Variants in ATXN2 observed in about 807,000 individuals in gnomAD.
The protein encoded by ATXN2 is ataxin-2.
In ATXN2, 37 loss-of-function variants were observed where a neutral mutation model predicts 138.6. That is an observed-to-expected ratio of 0.27 (90% CI 0.21 to 0.35). The LOEUF (loss-of-function observed/expected upper bound fraction) is 0.35, where lower values mean the gene tolerates loss of function less well. Among genes scored for constraint, ATXN2 ranks in the 10% least tolerant of loss-of-function variants. The probability of loss-of-function intolerance (pLI) is 1.00; values close to 1 mark genes in which losing one functional copy is unlikely to be tolerated. For missense variants in ATXN2, 1,216 were observed against 1,480.3 expected, an observed-to-expected ratio of 0.82 and a Z score of 2.93; for synonymous variants, 549 against 543.7, an observed-to-expected ratio of 1.01 and a Z score of -0.13.
chr12:111,563,337 T>C (rs937537980), intron 1 of ATXN2, among the ~76,000 whole-genome samples: 2 of 152,150 alleles, frequency 1.3e-5, no homozygotes, highest in Non-Finnish European at 2.9e-5. Context: ...ATGTAGAATA[T>C]ACATATTTAC....
chr12:111,529,598 T>G (rs1365502847), intron 5 of ATXN2, among the ~76,000 whole-genome samples: 1 of 152,128 alleles, frequency 6.6e-6, no homozygotes, highest in Non-Finnish European at 1.5e-5. Flanking sequence ...AGAAACTTAG[T>G]CATTTTGGGC....
chr12:111,594,324 T>C (rs1164186159), intron 1 of ATXN2, among the ~76,000 whole-genome samples: 1 of 151,906 alleles, frequency 6.6e-6, no homozygotes, highest in African/African-American at 2.4e-5. Context: ...GATGAACAAC[T>C]ACATTAAATC....
At chr12:111,471,578 G>A (rs1444705051) in intron 18 of ATXN2, 1 of 152,150 alleles carries the variant, frequency 6.6e-6, no homozygotes, top group African/African-American at 2.4e-5. Context: ...TATAGAACTT[G>A]TTCATAAAAT....
chr12:111,588,991 CAAAAAAAAAAAAAAAAAAAA>C (rs58116265), intron 1 of ATXN2, among the ~76,000 whole-genome samples: 4 of 38,684 alleles, frequency 1.0e-4, no homozygotes, highest in Admixed American at 5.4e-4. Context: ...CGAGATTTCT[CAAAAAAAAAAAAAAAAAAAA>C]AAAAAAAAAA....
At chr12:111,533,361 G>A (rs1880953046) in intron 5 of ATXN2, among the ~76,000 whole-genome samples, 1 of 152,084 alleles carries the variant, frequency 6.6e-6, no homozygotes, top group South Asian at 2.1e-4. Flanking sequence ...TGTAGTATTT[G>A]CATACTCTCG....
rs373432110 is a variant in ATXN2, at chr12:111,583,494, G to A, written c.251+15290C>T. On this transcript the variant is annotated intron_variant, in intron 1 of 24. Transcript: ENST00000673436. ...TGAAGAGTGAACCATGGCCAGGCAC[G>A]GTAGATCATGCCTGTAATCCCAGCA... is the stretch of plus-strand genomic sequence containing the variant. Among the ~76,000 whole-genome samples the A allele has an allele frequency of 4.0e-4, 61 of 152,072 alleles. No homozygotes were observed. In the East Asian group the frequency reaches 5.6e-3, roughly 14 times the overall value.
chr12:111,579,954 C>T (rs1459664720), intron 1 of ATXN2, among the ~76,000 whole-genome samples: 1 of 152,072 alleles, frequency 6.6e-6, no homozygotes, highest in East Asian at 1.9e-4. Flanking sequence ...CCCACCTCAG[C>T]CTCCCAAAGT....
chr12:111,548,340 T>G (rs754106474), intron 5 of ATXN2, among the ~76,000 whole-genome samples: 5 of 152,230 alleles, frequency 3.3e-5, no homozygotes, highest in Non-Finnish European at 5.9e-5. Flanking sequence ...GCAAGTTTCC[T>G]AAATATGCCT....
At chr12:111,520,375 A>G (rs1239959597) in intron 7 of ATXN2, among the ~76,000 whole-genome samples, 2 of 152,186 alleles carry the variant, frequency 1.3e-5, no homozygotes, top group Non-Finnish European at 2.9e-5. Context: ...AAAACCGGCC[A>G]GGCACAGTGG....
chr12:111,506,455 T>A (rs192843270), intron 14 of ATXN2, among the ~76,000 whole-genome samples: 1 of 152,344 alleles, frequency 6.6e-6, no homozygotes, highest in Admixed American at 6.5e-5. Flanking sequence ...AAAGCTGTTA[T>A]AAAAACATGC....
intron 1 of ATXN2, among the ~76,000 whole-genome samples, chr12:111,563,317 G>A (rs1046226090): frequency 6.6e-6 from 1 of 151,792 alleles, no homozygotes. Flanking sequence ...ATATATATGT[G>A]TATATATATA....
chr12:111,509,578 C>T lies in ATXN2; in HGVS notation c.1906G>A (p.Asp636Asn). The change falls in exon 14 of 25, where the codon GAT (aspartate) becomes AAT (asparagine). Residue 636 changes from aspartate to asparagine, a missense_variant. This residue lies in a region of ATXN2 where 215 missense variants were observed against 210.0 expected (regional missense o/e 1.02). Transcript: ENST00000673436. ...VVSEHRKQIDDLKKFKNDFRL... is the reference protein window; with the variant it reads ...VVSEHRKQIDNLKKFKNDFRL... ...AAATCATTCTTAAATTTCTTTAAATCATCAATCTGTTTTCTATGTTCAGAA... is the reference window on the plus strand; with the variant it reads ...AAATCATTCTTAAATTTCTTTAAATTATCAATCTGTTTTCTATGTTCAGAA... 6.7e-7 allele frequency: 1 copy of T among 1,488,892 alleles called. No homozygotes were observed. Among genetic ancestry groups the T allele is most frequent in the South Asian group, 1.2e-5 (1 of 84,544 alleles). The allele number at this position is 1,488,892 out of a possible 1,614,324, so 92.2% of individuals were successfully genotyped here.
chr12:111,462,127 T>C (rs1240579948), intron 21 of ATXN2, among the ~76,000 whole-genome samples: 2 of 152,226 alleles, frequency 1.3e-5, no homozygotes, highest in African/African-American at 4.8e-5. Context: ...TACTGATTTA[T>C]TCATCAGTTA....
chr12:111,486,105 CTGAT>C (rs1877621668), intron 16 of ATXN2, among the ~76,000 whole-genome samples: 2 of 152,094 alleles, frequency 1.3e-5, no homozygotes, highest in East Asian at 3.9e-4. Context: ...TTTTAAGAAA[CTGAT>C]GGAAGTGTTT....
At chr12:111,580,527 A>G (rs76269504) in intron 1 of ATXN2, among the ~76,000 whole-genome samples, 1 of 150,622 alleles carries the variant, frequency 6.6e-6, no homozygotes, top group Non-Finnish European at 1.5e-5. Flanking sequence ...AAAAAAAAAA[A>G]GATGACAACG....
At chr12:111,550,829 G>A (rs1698904781) in intron 5 of ATXN2, among the ~76,000 whole-genome samples, 1 of 152,120 alleles carries the variant, frequency 6.6e-6, no homozygotes, top group Non-Finnish European at 1.5e-5. Flanking sequence ...CTAAGTCTAA[G>A]AGAAAGAATC....
At chr12:111,565,715 G>T (rs986549193) in intron 1 of ATXN2, among the ~76,000 whole-genome samples, 2 of 152,066 alleles carry the variant, frequency 1.3e-5, no homozygotes, top group African/African-American at 4.8e-5. Context: ...GGCCAATTAG[G>T]CCAGGCATAG....
rs758317442 is a variant in ATXN2 at position 111,485,915 on chromosome 12, T to C, written c.2305-50A>G. On this transcript the variant is annotated intron_variant, in intron 16 of 24. Transcript: ENST00000673436. Reference sequence around the variant, plus strand: ...TTATCTCAAGGTAACAGATGAACTATTATTGCAATTTAAAGACGGATTTTC... The same window carrying C: ...TTATCTCAAGGTAACAGATGAACTACTATTGCAATTTAAAGACGGATTTTC... The C allele has an allele frequency of 3.9e-6, 6 of 1,548,306 alleles. No individual in the cohort carries two copies. The East Asian group carries it at 9.2e-5, about 24-fold the overall frequency.
chr12:111,555,979 T>C, intron 1 of ATXN2, 60 bp from the exon 2 acceptor site: 1 of 1,302,150 alleles, frequency 7.7e-7, no homozygotes, highest in Non-Finnish European at 1.1e-6. Context: ...TGAAAAATAT[T>C]TCCAAACTTA....
Sources: gnomAD v4.1 joint callset for allele counts (sites outside exome capture counted in the v4.1 genomes callset) on GRCh38, gnomAD v4.1.1 for gene constraint, gnomAD v4.1.1 regional missense constraint, MANE v1.5 for transcripts, NCBI Gene and HGNC (gene_info 2026-07-23, HGNC 2026-07-21) for gene names.